Variants in HMCN1 observed in about 807,000 individuals in gnomAD.
HMCN1 encodes the protein hemicentin-1.
HMCN1 carries 321 observed loss-of-function variants against 625.9 expected under a neutral mutation model. That is an observed-to-expected ratio of 0.51 (90% CI 0.47 to 0.56). HMCN1 has a LOEUF of 0.56. HMCN1 is among the 20% of genes least tolerant of loss of function. The pLI, the probability that HMCN1 is intolerant of heterozygous loss-of-function variation, is 0.00. For synonymous variants in HMCN1, 2,425 were observed against 2,417.6 expected (o/e 1.00, Z -0.09); for missense variants, 6,588 against 6,887.3 (o/e 0.96, Z 1.54).
chr1:185,822,191 A>G (rs972054295), intron 1 of HMCN1, among the ~76,000 whole-genome samples: 13 of 152,144 alleles, frequency 8.5e-5, no homozygotes, highest in African/African-American at 2.4e-4. Context: ...GGGGAGCCCT[A>G]AGGAAAACAA....
chr1:186,088,049 T>C (rs10911816), intron 61 of HMCN1, 36 bp downstream of exon 61: 877,168 of 1,610,790 alleles, frequency 0.54, 246,439 homozygotes, highest in African/African-American at 0.91. Flanking sequence ...CTTTTTCCCC[T>C]AGATATGCAA....
At chr1:185,954,357 CAAGT>C (rs1558091703) in intron 11 of HMCN1, among the ~76,000 whole-genome samples, 1 of 151,972 alleles carries the variant, frequency 6.6e-6, no homozygotes, top group African/African-American at 2.4e-5. Flanking sequence ...TGTGAGAACT[CAAGT>C]AAGAAAAAAA....
chr1:185,937,082 G>T (rs1463338274), intron 11 of HMCN1, among the ~76,000 whole-genome samples: 1 of 152,216 alleles, frequency 6.6e-6, no homozygotes, highest in African/African-American at 2.4e-5. Context: ...GGCGGTCAGG[G>T]AATACTTAGA....
At position 185,963,878 on chromosome 1, in the gene HMCN1, C is replaced by T; in HGVS notation, c.2081C>T (p.Ser694Phe). ...SNSAGTDKQN[S>F]TLRYIEAPKL... ...TCAGCTGGAACAGATAAACAGAATTCTACTCTCAGATACATTGGCAAGTAT... is the reference window on the plus strand; with the variant it reads ...TCAGCTGGAACAGATAAACAGAATTTTACTCTCAGATACATTGGCAAGTAT... The change falls in exon 13 of 107, where the codon TCT becomes TTT. Residue 694 changes from serine (S) to phenylalanine (F), a missense_variant. Ser to Phe is a radical substitution (Grantham distance 155). This residue lies in a region of HMCN1 where 4,628 missense variants were observed against 4,853.1 expected (regional missense o/e 0.95). Transcript: ENST00000271588. The T allele has an allele frequency of 2.5e-6, 4 of 1,611,922 alleles. No homozygotes were observed. Among genetic ancestry groups the T allele is most frequent in the Non-Finnish European group, 3.4e-6 (4 of 1,178,348 alleles).
intron 52 of HMCN1, among the ~76,000 whole-genome samples, chr1:186,074,080 A>G (rs1558197985): frequency 6.6e-6 from 1 of 152,098 alleles, no homozygotes; most frequent in East Asian, 1.9e-4. Context: ...GCCCGGAGCT[A>G]AAATTTTCAA....
chr1:185,910,991 C>T (rs1447439264), intron 5 of HMCN1, among the ~76,000 whole-genome samples: 1 of 152,158 alleles, frequency 6.6e-6, no homozygotes, highest in Non-Finnish European at 1.5e-5. Context: ...AACTATTAGA[C>T]ACTTTAGATA....
intron 68 of HMCN1, 45 bp downstream of exon 68, chr1:186,095,566 G>T: frequency 6.3e-7 from 1 of 1,575,360 alleles, no homozygotes. Flanking sequence ...GAAAGTAAGT[G>T]ATAGTGAATG....
chr1:186,122,801 T>G, intron 80 of HMCN1, 150 bp from the exon 81 acceptor site: 2 of 820,864 alleles, frequency 2.4e-6, no homozygotes, highest in East Asian at 5.3e-5. Context: ...TTTGTTCCCA[T>G]GAAAAAATGT....
intron 2 of HMCN1, among the ~76,000 whole-genome samples, chr1:185,861,533 AT>A (rs1361059290): frequency 1.3e-5 from 2 of 152,162 alleles, no homozygotes; most frequent in African/African-American, 4.8e-5. Context: ...AGGAATTTAA[AT>A]TTTTTTGAGC....
chr1:186,007,276 A>G lies in HMCN1; in HGVS notation c.4624A>G (p.Ile1542Val), dbSNP rs2102095661. ...ACAAGCCAAGGATATAAAACTGACT[A>G]TCTATAGTAAGTGCGATTGTCTTAT... ...GKQAKDIKLT[I>V]YIPPSIKGGN... Residue 1542 changes from isoleucine to valine, a missense_variant, in exon 30 of 107, where the codon ATC becomes GTC. Transcript: ENST00000271588. 1.5e-5 allele frequency: 24 copies of G among 1,613,470 alleles called. No individual in the cohort carries two copies. The highest frequency in any genetic ancestry group is 1.5e-5 in the Non-Finnish European group (18 of 1,179,534).
rs1275056701 is a variant in HMCN1 at position 185,995,904 on chromosome 1, A to G, written c.3778+817A>G. Among the ~76,000 whole-genome samples the G allele has an allele frequency of 2.6e-5, 4 of 152,114 alleles. No individual in the cohort carries two copies. The East Asian group carries it at 7.7e-4, about 29-fold the overall frequency. ...AAGCAGGTATGGTATTTAGCACAGT[A>G]TTAGATAGTTCTTAGCGCTGTACTG... On this transcript the variant is annotated intron_variant, in intron 24 of 106. Transcript: ENST00000271588.
At chr1:185,781,857 A>G (rs920636257) in intron 1 of HMCN1, among the ~76,000 whole-genome samples, 5 of 152,216 alleles carry the variant, frequency 3.3e-5, no homozygotes, top group East Asian at 1.9e-4. Flanking sequence ...GTAGATGTCT[A>G]TTAGGTCTGC....
intron 11 of HMCN1, among the ~76,000 whole-genome samples, chr1:185,937,745 G>A (rs1298622566): frequency 6.6e-6 from 1 of 151,924 alleles, no homozygotes; most frequent in Non-Finnish European, 1.5e-5. Context: ...GCCAGGCTTG[G>A]TGGCACACAT....
intron 52 of HMCN1, 78 bp from the exon 53 acceptor site, chr1:186,074,663 C>G: frequency 7.7e-7 from 1 of 1,298,950 alleles, no homozygotes; most frequent in Non-Finnish European, 1.1e-6. Flanking sequence ...TAAAAAATCA[C>G]AAAAACTATC....
rs58407499 is a variant in HMCN1 at position 186,083,500 on chromosome 1, T to TA, written c.8884+557dup. ...ACACTCCATAAATACCACTTTTTGC[T>TA]AAAAAAAAAAAAAAAAAAGTAGTTG... On this transcript the variant is annotated intron_variant, in intron 57 of 106. Coordinates refer to ENST00000271588, the MANE Select transcript of HMCN1 (RefSeq NM_031935.3). Among the ~76,000 whole-genome samples, 649 of 123,652 alleles carry TA rather than the reference T, an allele frequency of 5.2e-3. 13 individuals carry two copies. The highest frequency in any genetic ancestry group is 0.046 in the South Asian group (178 of 3,896). The allele number at this position is 123,652 out of a possible 152,430, so 81.1% of individuals were successfully genotyped here.
At chr1:185,932,197 AC>A (rs1230071420) in intron 10 of HMCN1, among the ~76,000 whole-genome samples, 1 of 152,202 alleles carries the variant, frequency 6.6e-6, no homozygotes, top group Non-Finnish European at 1.5e-5. Context: ...TTTTTAAAAA[AC>A]ATAACAAAAT....
chr1:186,169,833 A>T (rs1286805022), intron 100 of HMCN1, among the ~76,000 whole-genome samples: 1 of 152,228 alleles, frequency 6.6e-6, no homozygotes, highest in African/African-American at 2.4e-5. Flanking sequence ...TGACAATGCG[A>T]TCTAATTAAA....
At chr1:186,037,419 T>C (rs1172987230) in intron 36 of HMCN1, among the ~76,000 whole-genome samples, 4 of 152,202 alleles carry the variant, frequency 2.6e-5, no homozygotes, top group African/African-American at 4.8e-5. Context: ...TTTTCTGTTT[T>C]ATTTTGTGAA....
At chr1:186,188,854 C>G (rs759826607) in intron 106 of HMCN1, among the ~76,000 whole-genome samples, 2 of 152,156 alleles carry the variant, frequency 1.3e-5, no homozygotes, top group Non-Finnish European at 2.9e-5. Context: ...AATACTATTA[C>G]TGAAGAATCC....
Sources: allele counts gnomAD v4.1 joint callset (sites outside exome capture counted in the v4.1 genomes callset), GRCh38; gene constraint gnomAD v4.1.1; regional missense constraint gnomAD v4.1.1; transcripts MANE v1.5; gene names NCBI Gene and HGNC (gene_info 2026-07-23, HGNC 2026-07-21).